Variants in PCDHA4 observed in about 807,000 individuals in gnomAD.
PCDHA4 encodes the protein protocadherin alpha-4.
Under a neutral mutation model 61.4 loss-of-function variants are expected in PCDHA4, and 49 were observed. The ratio of observed to expected loss-of-function variants is 0.80; its 90% CI spans 0.63 to 1.01. PCDHA4 has a LOEUF of 1.01. Ranked by LOEUF, PCDHA4 falls within the 50% of genes least tolerant of loss-of-function variation. The pLI, the probability that PCDHA4 is intolerant of heterozygous loss-of-function variation, is 0.00. For missense variants in PCDHA4, 1,254 were observed against 1,235.8 expected (o/e 1.01, Z -0.22); for synonymous variants, 590 against 550.3 (o/e 1.07, Z -1.01).
chr5:140,892,261 G>A (rs1221882386), intron 1 of PCDHA4, among the ~76,000 whole-genome samples: 1 of 152,020 alleles, frequency 6.6e-6, no homozygotes, highest in Admixed American at 6.6e-5. Context: ...CTTTGATTTT[G>A]TGCTGAAAGT....
chr5:140,829,246 G>T (rs2150164613), intron 1 of PCDHA4: 1 of 1,614,268 alleles, frequency 6.2e-7, no homozygotes, highest in Admixed American at 1.7e-5. Flanking sequence ...ACGGGCAGGT[G>T]AACTGCTCGC....
At chr5:140,997,670 G>A (rs1587757819) in intron 3 of PCDHA4, among the ~76,000 whole-genome samples, 1 of 79,680 alleles carries the variant, frequency 1.3e-5, no homozygotes, top group Non-Finnish European at 2.9e-5. Flanking sequence ...TATACAGCTT[G>A]TGTGTGTGTG....
rs1580998752 is a variant in PCDHA4 at position 140,842,398 on chromosome 5, A to G, written c.2385+32826A>G. 3.1e-6 allele frequency: 5 copies of G among 1,611,514 alleles called. No individual in the cohort carries two copies. The African/African-American group carries it at 6.7e-5, about 22-fold the overall frequency. On this transcript the variant is annotated intron_variant, in intron 1 of 3. Coordinates refer to ENST00000530339, the MANE Select transcript of PCDHA4 (RefSeq NM_018907.4). ...CACTGACTTCCTTATCCTTGCCTGTACGTGAAGACGCTCAATTTGGTACTG... is the reference window on the plus strand; with the variant it reads ...CACTGACTTCCTTATCCTTGCCTGTGCGTGAAGACGCTCAATTTGGTACTG...
intron 1 of PCDHA4, among the ~76,000 whole-genome samples, chr5:140,974,022 A>G (rs1348109814): frequency 2.0e-5 from 3 of 152,248 alleles, no homozygotes; most frequent in African/African-American, 4.8e-5. Context: ...TGATAATACA[A>G]CTATAAATTT....
At chr5:140,968,961 A>G (rs1554231270) in intron 1 of PCDHA4, 1 of 1,614,088 alleles carries the variant, frequency 6.2e-7, no homozygotes, top group African/African-American at 1.3e-5. Context: ...ATCAAGTGCT[A>G]CCGCTACACT....
intron 1 of PCDHA4, chr5:140,862,930 C>T (rs1581662470): frequency 1.8e-6 from 1 of 542,144 alleles, no homozygotes; most frequent in East Asian, 4.9e-5. Flanking sequence ...GGGCTGGCGG[C>T]GCTGTGAGTG....
chr5:140,928,234 C>T lies in PCDHA4; in HGVS notation c.2386-50715C>T, dbSNP rs1319421246. The T allele has an allele frequency of 4.3e-6, 7 of 1,614,096 alleles. No homozygotes were observed. In the African/African-American group the frequency reaches 8.0e-5, roughly 18 times the overall value. On this transcript the variant is annotated intron_variant, in intron 1 of 3. Transcript: ENST00000530339. ...TGACAATACACCAAACTTTCCTCAA[C>T]CCCAGCAGGAACTTTTCGTTGCTGA...
intron 1 of PCDHA4, among the ~76,000 whole-genome samples, chr5:140,975,653 A>T (rs2096676885): frequency 6.6e-6 from 1 of 152,230 alleles, no homozygotes; most frequent in South Asian, 2.1e-4. Context: ...TATTTCATTG[A>T]GTAGTTGTGT....
At chr5:140,941,950 A>C (rs2093203816) in intron 1 of PCDHA4, among the ~76,000 whole-genome samples, 1 of 152,172 alleles carries the variant, frequency 6.6e-6, no homozygotes, top group Admixed American at 6.5e-5. Context: ...TTTGTTTTGA[A>C]AACAATAGTA....
intron 1 of PCDHA4, chr5:140,875,520 C>T: frequency 1.2e-6 from 2 of 1,614,004 alleles, no homozygotes; most frequent in Non-Finnish European, 1.7e-6. Flanking sequence ...GTCTGCTGCT[C>T]TCGCTTCTGC....
At position 140,808,115 on chromosome 5, in the gene PCDHA4, T is replaced by C. The variant is rs782793067; in HGVS notation, c.928T>C (p.Phe310Leu). The C allele has an allele frequency of 6.2e-7, 1 of 1,614,098 alleles. No individual in the cohort carries two copies. The highest frequency in any genetic ancestry group is 2.2e-5 in the East Asian group (1 of 44,888). The change falls in exon 1 of 4, where the codon TTT (phenylalanine) becomes CTT (leucine). Residue 310 changes from phenylalanine to leucine, a missense_variant. Physicochemically the swap from Phe to Leu is conservative, Grantham distance 22 (BLOSUM62 0). Coordinates refer to ENST00000530339, the MANE Select transcript of PCDHA4 (RefSeq NM_018907.4). ...AATTATTGTAAAGGGATATATTGAC[T>C]TTGAAGAAAGCAAATCCTATGAAAT... is the stretch of plus-strand genomic sequence containing the variant. ...GQIIVKGYID[F>L]EESKSYEIIV...
In PCDHA4 at chr5:140,993,861, T is replaced by G. The variant is rs143253452; in HGVS notation, c.2533+11298T>G. 3.2e-4 allele frequency among the ~76,000 whole-genome samples: 49 copies of G among 152,356 alleles called. No homozygotes were observed. In the East Asian group the frequency reaches 9.4e-3, roughly 29 times the overall value. On this transcript the variant is annotated intron_variant, in intron 3 of 3. Transcript: ENST00000530339. ...TAGGTATGTAGTAGGCTATGCCATC[T>G]AGGTTTGTGTAAGTACGCTCTATGA... is the stretch of plus-strand genomic sequence containing the variant.
At chr5:140,870,956 G>A (rs1554164932) in intron 1 of PCDHA4, 1 of 1,613,634 alleles carries the variant, frequency 6.2e-7, no homozygotes, top group Non-Finnish European at 8.5e-7. Context: ...GGCGGCTCGC[G>A]CATCCCGTTC....
chr5:140,968,994 G>A lies in PCDHA4; in HGVS notation c.2386-9955G>A. 6.2e-7 allele frequency: 1 copy of A among 1,614,216 alleles called. No individual in the cohort carries two copies. The highest frequency in any genetic ancestry group is 8.5e-7 in the Non-Finnish European group (1 of 1,180,038). On this transcript the variant is annotated intron_variant, in intron 1 of 3. Transcript: ENST00000530339. ...ACTGCGTATGGCACTGCATGCTGTG[G>A]AGGCTTCTGTGGAGTAAGGGAAAGG...
At chr5:140,889,479 T>C (rs1399086830) in intron 1 of PCDHA4, among the ~76,000 whole-genome samples, 1 of 152,184 alleles carries the variant, frequency 6.6e-6, no homozygotes, top group Admixed American at 6.5e-5. Context: ...GCTCATACTT[T>C]CTACAGAATC....
intron 1 of PCDHA4, among the ~76,000 whole-genome samples, chr5:140,886,827 G>GAA (rs782016620): frequency 3.1e-4 from 19 of 60,896 alleles, no homozygotes; most frequent in South Asian, 5.9e-4. Context: ...ACTTCGTCTT[G>GAA]AAAAAAAAAA....
At chr5:140,829,966 G>T (rs2150178804) in intron 1 of PCDHA4, 1 of 1,614,002 alleles carries the variant, frequency 6.2e-7, no homozygotes, top group Non-Finnish European at 8.5e-7. Context: ...TTCGCGTGGG[G>T]CTGTACACGG....
chr5:140,875,352 T>C lies in PCDHA4; in HGVS notation c.2385+65780T>C, dbSNP rs563345056. ...AATAGGATCGACTCCATAATGACTGTGATGCTGGAAAAAATTTACTAAATA... is the reference window on the plus strand; with the variant it reads ...AATAGGATCGACTCCATAATGACTGCGATGCTGGAAAAAATTTACTAAATA... On this transcript the variant is annotated intron_variant, in intron 1 of 3. Transcript: ENST00000530339. 15 of 1,445,236 alleles carry C rather than the reference T, an allele frequency of 1.0e-5. No individual in the cohort carries two copies. In the African/African-American group the frequency reaches 1.9e-4, roughly 18 times the overall value. The allele number at this position is 1,445,236 out of a possible 1,614,324, so 89.5% of individuals were successfully genotyped here.
At chr5:140,988,267 C>T (rs1204961254) in intron 3 of PCDHA4, among the ~76,000 whole-genome samples, 1 of 152,146 alleles carries the variant, frequency 6.6e-6, no homozygotes, top group Non-Finnish European at 1.5e-5. Flanking sequence ...GAGTATCCTT[C>T]GCTGTCACCT....
Sources: gnomAD v4.1 joint callset for allele counts (sites outside exome capture counted in the v4.1 genomes callset) on GRCh38, gnomAD v4.1.1 for gene constraint, MANE v1.5 for transcripts, NCBI Gene and HGNC (gene_info 2026-07-23, HGNC 2026-07-21) for gene names.